MYH6: variants seen among roughly 807,000 people sequenced by gnomAD.
MYH6 encodes myosin heavy chain 6, also known as myosin-6.
Under a neutral mutation model 223.2 loss-of-function variants are expected in MYH6, and 126 were observed. That is an observed-to-expected ratio of 0.56 (90% CI 0.49 to 0.65). MYH6 has a LOEUF of 0.65. Ranked by LOEUF, MYH6 falls within the 30% of genes least tolerant of loss-of-function variation. The pLI, the probability that MYH6 is intolerant of heterozygous loss-of-function variation, is 0.00. For missense variants in MYH6, 2,040 were observed against 2,536.4 expected (o/e 0.80, Z 4.20); for synonymous variants, 978 against 1,010.2 (o/e 0.97, Z 0.61).
chr14:23,383,152 T>G (rs1029416394), intron 37 of MYH6, 73 bp downstream of exon 37: 37 of 1,320,270 alleles, frequency 2.8e-5, no homozygotes, highest in Non-Finnish European at 3.5e-5. Context: ...CAGGCCCCTC[T>G]GTAGGAGATA....
intron 8 of MYH6, 74 bp from the exon 9 acceptor site, chr14:23,403,852 A>G: frequency 7.5e-7 from 1 of 1,329,598 alleles, no homozygotes; most frequent in Non-Finnish European, 1.1e-6. Flanking sequence ...TGTTCAGCCC[A>G]GAAGCCCTGG....
Position 23,403,637 on chromosome 14 carries a change from A to G in MYH6, c.799+78T>C, listed in dbSNP as rs1166193551. 4 of 1,384,566 alleles carry G rather than the reference A, an allele frequency of 2.9e-6. No homozygotes were observed. The African/African-American group carries it at 5.7e-5, about 20-fold the overall frequency. 85.8% of individuals were successfully genotyped at this position (1,384,566 alleles called of 1,614,324 possible). A position where few individuals can be genotyped will look rare whatever the true frequency, so the allele number is the denominator to read the frequency against. ...GCAGACAAAACAGGAGATGGCAGGA[A>G]TGATGAGACTGGCCGCCAGGCAGGG... On this transcript the variant is annotated intron_variant, in intron 9 of 38. Coordinates refer to ENST00000405093, the MANE Select transcript of MYH6 (RefSeq NM_002471.4).
Position 23,386,591 on chromosome 14 carries a change from G to A in MYH6, c.4683C>T (p.Leu1561=), listed in dbSNP as rs559319718. The change falls in exon 33 of 39, where the codon CTC becomes CTT. Residue 1561 remains leucine, a synonymous_variant. Coordinates refer to ENST00000405093, the MANE Select transcript of MYH6 (RefSeq NM_002471.4). ...TCTGGTTGAACTCTAGCTGGGCCCG[G>A]AGGATCTTGCCCTCCTCGTGCTCCA... ...ASLEHEEGKI[L]RAQLEFNQIK... The A allele has an allele frequency of 6.3e-5, 101 of 1,612,340 alleles. No individual in the cohort carries two copies. In the South Asian group the frequency reaches 1.0e-3, roughly 16 times the overall value.
At chr14:23,385,888 A>C (rs764320526) in intron 34 of MYH6, 40 bp downstream of exon 34, 1 of 1,613,858 alleles carries the variant, frequency 6.2e-7, no homozygotes. Context: ...TGGGCTCTGC[A>C]CTCAGTAGGT....
Position 23,393,425 on chromosome 14 carries a change from C to T in MYH6, c.3022G>A (p.Ala1008Thr), listed in dbSNP as rs1374346357. ...KKALQEAHQQ[A>T]LDDLQVEEDK... is the part of the protein sequence containing the mutation. ...TCCTCAACCTGAAGGTCATCCAGGG[C>T]CTGCTGATGGGCCTCTTGTAGAGCT... Residue 1008 changes from alanine (A) to threonine (T), a missense_variant, in exon 23 of 39, where the codon GCC becomes ACC. Around this residue, in one of 4 missense-constraint regions of MYH6, gnomAD observed 1,203 missense variants for 1,400.2 expected, o/e 0.86. Coordinates refer to ENST00000405093, the MANE Select transcript of MYH6 (RefSeq NM_002471.4). 1.9e-6 allele frequency: 3 copies of T among 1,614,182 alleles called. No individual in the cohort carries two copies. Among genetic ancestry groups the T allele is most frequent in the African/African-American group, 2.7e-5 (2 of 75,050 alleles).
At chr14:23,385,376 G>C (rs1197978655) in intron 34 of MYH6, among the ~76,000 whole-genome samples, 1 of 151,244 alleles carries the variant, frequency 6.6e-6, no homozygotes, top group Non-Finnish European at 1.5e-5. Flanking sequence ...CAATATTCCA[G>C]AGATGTTTAT....
chr14:23,394,443 A>G (rs773179496), intron 20 of MYH6, 120 bp from the exon 21 acceptor site: 214 of 1,279,460 alleles, frequency 1.7e-4, no homozygotes, highest in African/African-American at 4.5e-5. Flanking sequence ...CACCTCCAAC[A>G]TCACTACACT....
Position 23,397,910 on chromosome 14 carries a change from T to TCTCCTCCTCCTCCTC in MYH6, c.1892-312_1892-298dup, listed in dbSNP as rs1247030438. ...TTCTTATATCTTTCCACATTCTAGT[T>TCTCCTCCTCCTCCTC]CTCCTCCTCCTCCTCCTCCTCCTCT... is the stretch of plus-strand genomic sequence containing the variant. On this transcript the variant is annotated intron_variant, in intron 15 of 38. Transcript: ENST00000405093. Among the ~76,000 whole-genome samples, 221 of 112,896 alleles carry TCTCCTCCTCCTCCTC rather than the reference T, an allele frequency of 2.0e-3. 20 individuals are homozygous for TCTCCTCCTCCTCCTC. Among genetic ancestry groups the TCTCCTCCTCCTCCTC allele is most frequent in the African/African-American group, 8.1e-3 (211 of 26,198 alleles). 74.1% of individuals were successfully genotyped at this position (112,896 alleles called of 152,430 possible).
At chr14:23,384,887 G>T (rs749935766) in intron 35 of MYH6, 29 bp downstream of exon 35, 1 of 1,613,544 alleles carries the variant, frequency 6.2e-7, no homozygotes, top group Admixed American at 1.7e-5. Flanking sequence ...TCTGTCTTTA[G>T]GGGAGGCGGA....
At chr14:23,390,878 C>G (rs2138594107) in intron 25 of MYH6, among the ~76,000 whole-genome samples, 1 of 152,276 alleles carries the variant, frequency 6.6e-6, no homozygotes, top group Non-Finnish European at 1.5e-5. Flanking sequence ...TTGTATTTTA[C>G]AAATATTTGT....
chr14:23,405,550 T>G lies in MYH6; in HGVS notation c.345+77A>C. Reference sequence around the variant, plus strand: ...GTCCCTTGGGAGTCTCTCCCCCTCTTCTTGGGAGAGCCCCCCTGGCTTATT... The same window carrying G: ...GTCCCTTGGGAGTCTCTCCCCCTCTGCTTGGGAGAGCCCCCCTGGCTTATT... On this transcript the variant is annotated intron_variant, in intron 4 of 38. Transcript: ENST00000405093. This position sits in a 1 kb window ranked among gnomAD's most constrained non-coding sequence, Gnocchi z 4.7. 6.2e-7 allele frequency: 1 copy of G among 1,607,026 alleles called. No homozygotes were observed. The highest frequency in any genetic ancestry group is 1.1e-5 in the South Asian group (1 of 90,594).
At position 23,385,056 on chromosome 14, in the gene MYH6, A is replaced by G. The variant is rs769434202; in HGVS notation, c.5164-15T>C. On this transcript the variant is annotated splice_polypyrimidine_tract_variant and intron_variant, in intron 34 of 38. Transcript: ENST00000405093. ...AGGCTGGTGTTCTAGACATGGAGAGAGAAAAATGATCAAATATATACTACA... is the reference window on the plus strand; with the variant it reads ...AGGCTGGTGTTCTAGACATGGAGAGGGAAAAATGATCAAATATATACTACA... 1.1e-5 allele frequency: 17 copies of G among 1,614,100 alleles called. No individual in the cohort carries two copies. The highest frequency in any genetic ancestry group is 1.4e-5 in the Non-Finnish European group (17 of 1,179,994).
At chr14:23,387,676 G>C (rs1891074242) in intron 31 of MYH6, 23 bp from the exon 32 acceptor site, 1 of 1,614,082 alleles carries the variant, frequency 6.2e-7, no homozygotes, top group Admixed American at 1.7e-5. Flanking sequence ...GGGCCAGAAA[G>C]CTCAAAGCCT....
chr14:23,396,848 G>T, intron 18 of MYH6, 31 bp from the exon 19 acceptor site: 1 of 1,613,668 alleles, frequency 6.2e-7, no homozygotes, highest in South Asian at 1.1e-5. Flanking sequence ...AGTCACCCAT[G>T]CTCTGCAGTG....
rs779364021 is a variant in MYH6 at position 23,398,798 on chromosome 14, C to T, written c.1821G>A (p.Val607=). The part of the protein sequence containing the change: ...KNKDPLNETV[V]ALYQKSSLKL... ...TGAGGGAGGACTTCTGGTACAGGGC[C>T]ACAACAGTCTCGTTGAGAGGATCCT... is the stretch of plus-strand genomic sequence containing the variant. Residue 607 remains valine (V), a synonymous_variant, in exon 15 of 39, where the codon GTG becomes GTA. Coordinates refer to ENST00000405093, the MANE Select transcript of MYH6 (RefSeq NM_002471.4). The T allele has an allele frequency of 1.2e-6, 2 of 1,614,056 alleles. No individual in the cohort carries two copies. Among genetic ancestry groups the T allele is most frequent in the East Asian group, 2.2e-5 (1 of 44,892 alleles).
At position 23,389,072 on chromosome 14, in the gene MYH6, G is replaced by GGGGC; in HGVS notation, c.3979-18_3979-17insGCCC. 1 of 1,135,182 alleles carries GGGGC rather than the reference G, an allele frequency of 8.8e-7. No homozygotes were observed. Among genetic ancestry groups the GGGGC allele is most frequent in the Non-Finnish European group, 1.3e-6 (1 of 774,164 alleles). The allele number at this position is 1,135,182 out of a possible 1,614,324, so 70.3% of individuals were successfully genotyped here. A position where few individuals can be genotyped will look rare whatever the true frequency, so the allele number is the denominator to read the frequency against. On this transcript the variant is annotated splice_polypyrimidine_tract_variant and intron_variant, in intron 28 of 38. Coordinates refer to ENST00000405093, the MANE Select transcript of MYH6 (RefSeq NM_002471.4). ...GTTCTTCGCCTGGGGAGGGGGGGGG[G>GGGGC]CACCAGGAGGTGGGAGGGACTCCCT... is the stretch of plus-strand genomic sequence containing the variant.
rs1891102527 is a variant in MYH6 at position 23,388,292 on chromosome 14, C to T, written c.4222G>A (p.Ala1408Thr). The T allele has an allele frequency of 6.2e-7, 1 of 1,613,172 alleles. No homozygotes were observed. The highest frequency in any genetic ancestry group is 8.5e-7 in the Non-Finnish European group (1 of 1,180,038). ...AGTGAGGAGCACTTGGCATTAACAGCCTCCACGGCCTCCTCGGCATCCTGC... is the reference window on the plus strand; with the variant it reads ...AGTGAGGAGCACTTGGCATTAACAGTCTCCACGGCCTCCTCGGCATCCTGC... ...RLQDAEEAVE[A>T]VNAKCSSLEK... The change falls in exon 30 of 39, where the codon GCT becomes ACT. Residue 1408 changes from alanine (A) to threonine (T), a missense_variant. By Grantham distance (58) the Ala-to-Thr change is moderately conservative (BLOSUM62 0). This residue lies in a region of MYH6 where 1,203 missense variants were observed against 1,400.2 expected (regional missense o/e 0.86). Coordinates refer to ENST00000405093, the MANE Select transcript of MYH6 (RefSeq NM_002471.4).
chr14:23,400,123 G>C (rs1891553069), intron 14 of MYH6, 133 bp downstream of exon 14: 2 of 1,360,674 alleles, frequency 1.5e-6, no homozygotes, highest in African/African-American at 1.4e-5. Context: ...TGACTTCACA[G>C]TGGGGAGAAG....
intron 9 of MYH6, 51 bp from the exon 10 acceptor site, chr14:23,403,497 GC>G: frequency 6.5e-7 from 1 of 1,535,532 alleles, no homozygotes; most frequent in Non-Finnish European, 9.0e-7. Flanking sequence ...AGAGAGTAGA[GC>G]CAGAAAAAGG....
Sources: allele counts gnomAD v4.1 joint callset (sites outside exome capture counted in the v4.1 genomes callset), GRCh38; gene constraint gnomAD v4.1.1; regional missense constraint gnomAD v4.1.1; non-coding constraint Gnocchi (gnomAD v3.1); transcripts MANE v1.5; gene names NCBI Gene and HGNC (gene_info 2026-07-23, HGNC 2026-07-21).